Variants in TTC28 observed in about 807,000 individuals in gnomAD.
The protein encoded by TTC28 is tetratricopeptide repeat domain 28, also known as tetratricopeptide repeat protein 28.
A neutral mutation model predicts 198.0 loss-of-function variants in TTC28; 61 were observed. The observed-to-expected ratio is 0.31, with a 90% CI of 0.25 to 0.38. The LOEUF is 0.38. Ranked by LOEUF, TTC28 falls within the 10% of genes least tolerant of loss-of-function variation. TTC28 has a pLI of 1.00. For missense variants in TTC28, 2,678 were observed against 3,164.0 expected (o/e 0.85, Z 3.69); for synonymous variants, 1,171 against 1,297.8 (o/e 0.90, Z 2.10).
intron 2 of TTC28, among the ~76,000 whole-genome samples, chr22:28,475,875 T>C (rs1446678867): frequency 6.6e-6 from 1 of 152,130 alleles, no homozygotes; most frequent in African/African-American, 2.4e-5. Flanking sequence ...TCTCGTAAAA[T>C]ACAGTGTTCC....
At position 28,084,673 on chromosome 22, in the gene TTC28, C is replaced by T. The variant is rs144917614; in HGVS notation, c.3932+9407G>A. Among the ~76,000 whole-genome samples, 1,366 of 152,184 alleles carry T rather than the reference C, an allele frequency of 9.0e-3. 22 individuals are homozygous for T. The highest frequency in any genetic ancestry group is 0.031 in the African/African-American group (1,290 of 41,512). ...AAAGCTGGACGGAGAATGACTTTGA[C>T]GAGTTGAGAGAGGAAGGCTTCAGAA... On this transcript the variant is annotated intron_variant, in intron 12 of 22. Transcript: ENST00000397906.
chr22:28,015,191 C>A (rs1938316628), intron 13 of TTC28, among the ~76,000 whole-genome samples: 1 of 152,124 alleles, frequency 6.6e-6, no homozygotes, highest in African/African-American at 2.4e-5. Context: ...TGGGAACCTA[C>A]AGAGGACAAA....
At chr22:28,391,355 G>A (rs564467934) in intron 2 of TTC28, among the ~76,000 whole-genome samples, 124 of 152,140 alleles carry the variant, frequency 8.2e-4, no homozygotes, top group South Asian at 2.3e-3. Flanking sequence ...TCTTTGTGGC[G>A]TTCTCTGTAT....
At chr22:28,037,190 C>T (rs1939395052) in intron 12 of TTC28, among the ~76,000 whole-genome samples, 1 of 152,104 alleles carries the variant, frequency 6.6e-6, no homozygotes, top group Middle Eastern at 3.2e-3. Context: ...ATCCTGATAC[C>T]AAAGCCTGGC....
At chr22:28,338,133 G>T (rs1435592289) in intron 2 of TTC28, among the ~76,000 whole-genome samples, 1 of 152,190 alleles carries the variant, frequency 6.6e-6, no homozygotes, top group Non-Finnish European at 1.5e-5. Context: ...ATTCTGGGTT[G>T]AAAATTCTTT....
Position 28,160,551 on chromosome 22 carries a change from A to C in TTC28, c.1441+2541T>G, listed in dbSNP as rs1258940628. ...CCTAGGAGAGGAGGCAGAGTAAAAA[A>C]GGCAGCTTCAGAAAAGTATGTATGT... On this transcript the variant is annotated intron_variant, in intron 6 of 22. Coordinates refer to ENST00000397906, the MANE Select transcript of TTC28 (RefSeq NM_001145418.2). 3.3e-5 allele frequency among the ~76,000 whole-genome samples: 5 copies of C among 152,242 alleles called. No homozygotes were observed. The East Asian group carries it at 9.6e-4, about 29-fold the overall frequency.
intron 2 of TTC28, among the ~76,000 whole-genome samples, chr22:28,413,830 AAGG>A (rs763079527): frequency 1.3e-5 from 2 of 152,220 alleles, no homozygotes; most frequent in African/African-American, 4.8e-5. Flanking sequence ...AAAATAAATG[AAGG>A]AGGACTTTAC....
chr22:28,030,148 G>A, intron 13 of TTC28, 78 bp downstream of exon 13: 1 of 1,505,558 alleles, frequency 6.6e-7, no homozygotes, highest in Non-Finnish European at 8.9e-7. Flanking sequence ...GCTGGAAGGA[G>A]CATCCACTGA....
chr22:28,085,329 A>G (rs913374391), intron 12 of TTC28, among the ~76,000 whole-genome samples: 1 of 152,202 alleles, frequency 6.6e-6, no homozygotes, highest in Non-Finnish European at 1.5e-5. Context: ...GAAACTCTAC[A>G]AGTCAGAAGA....
rs1247702994 is a variant in TTC28, at chr22:27,981,229, AATTTTTTTT to A, written c.*983_*991del. ...CTGGTTAAATCTAGTTAGCCATGGA[AATTTTTTTT>A]TTTTTTTTTTTTTTTTTTTTTTTTT... On this transcript the variant is annotated 3_prime_UTR_variant, in exon 23 of 23. Transcript: ENST00000397906. 2.8e-5 allele frequency: 2 copies of A among 72,684 alleles called. No individual in the cohort carries two copies. The highest frequency in any genetic ancestry group is 1.5e-4 in the Admixed American group (1 of 6,460). The allele number at this position is 72,684 out of a possible 1,614,324, so 4.5% of individuals were successfully genotyped here.
intron 2 of TTC28, among the ~76,000 whole-genome samples, chr22:28,540,134 G>A (rs1266258240): frequency 1.3e-5 from 2 of 151,918 alleles, no homozygotes; most frequent in Admixed American, 6.6e-5. Flanking sequence ...TCTTAGTAGA[G>A]ACGGGGTTTC....
At chr22:27,996,280 C>T (rs1357040842) in intron 16 of TTC28, 21 bp from the exon 17 acceptor site, 14 of 1,548,530 alleles carry the variant, frequency 9.0e-6, no homozygotes, top group Non-Finnish European at 1.2e-5. Context: ...CAAAGGAGGG[C>T]ACCTCAGCAG....
chr22:27,996,309 G>A, intron 16 of TTC28, 50 bp from the exon 17 acceptor site: 1 of 1,534,016 alleles, frequency 6.5e-7, no homozygotes, highest in South Asian at 1.2e-5. Flanking sequence ...GAGACCCCCA[G>A]CCCCACCCCG....
chr22:28,168,859 A>G (rs967674963), intron 5 of TTC28, among the ~76,000 whole-genome samples: 2 of 152,356 alleles, frequency 1.3e-5, no homozygotes, highest in East Asian at 3.9e-4. Flanking sequence ...GCACAGCAAA[A>G]GAAACTACCA....
rs1936950752 is a variant in TTC28 at position 27,979,633 on chromosome 22, G to A, written c.*2588C>T. On this transcript the variant is annotated 3_prime_UTR_variant, in exon 23 of 23. Coordinates refer to ENST00000397906, the MANE Select transcript of TTC28 (RefSeq NM_001145418.2). ...AGACCGCTGACCAGTCTTAGCCTGT[G>A]GGTCATAGTTGCCAACCCCTGATCT... 1 of 111,100 alleles carries A rather than the reference G, an allele frequency of 9.0e-6. No individual in the cohort carries two copies. The highest frequency in any genetic ancestry group is 3.4e-5 in the African/African-American group (1 of 29,364). The allele number at this position is 111,100 out of a possible 1,614,324, so 6.9% of individuals were successfully genotyped here. A position where few individuals can be genotyped will look rare whatever the true frequency, so the allele number is the denominator to read the frequency against.
At chr22:28,253,429 C>T (rs1930667399) in intron 5 of TTC28, among the ~76,000 whole-genome samples, 1 of 152,074 alleles carries the variant, frequency 6.6e-6, no homozygotes, top group Non-Finnish European at 1.5e-5. Flanking sequence ...AATGCACTAG[C>T]TTATTTTCTA....
chr22:28,071,508 C>T (rs1266281107), intron 12 of TTC28, among the ~76,000 whole-genome samples: 1 of 147,268 alleles, frequency 6.8e-6, no homozygotes, highest in Non-Finnish European at 1.5e-5. Flanking sequence ...CGCATATTCT[C>T]ACTCATAGGT....
chr22:27,987,900 G>T (rs1349190418), intron 21 of TTC28, among the ~76,000 whole-genome samples: 1 of 151,912 alleles, frequency 6.6e-6, no homozygotes, highest in East Asian at 1.9e-4. Context: ...CCAGGAAAAT[G>T]ATGCTTTAAA....
chr22:27,985,010 CA>C (rs1937162367), intron 22 of TTC28, among the ~76,000 whole-genome samples: 1 of 152,220 alleles, frequency 6.6e-6, no homozygotes, highest in African/African-American at 2.4e-5. Context: ...ACCACCCTCT[CA>C]CTTCCAGTCC....
Sources: gnomAD v4.1 joint callset for allele counts (sites outside exome capture counted in the v4.1 genomes callset) on GRCh38, gnomAD v4.1.1 for gene constraint, MANE v1.5 for transcripts, NCBI Gene and HGNC (gene_info 2026-07-23, HGNC 2026-07-21) for gene names.